The following KCNG2 variants were observed in gnomAD, a reference collection of about 807,000 sequenced individuals.
The protein encoded by KCNG2 is potassium voltage-gated channel modifier subfamily G member 2.
In KCNG2, 7 loss-of-function variants were observed where a neutral mutation model predicts 12.3. The ratio of observed to expected loss-of-function variants is 0.57; its 90% confidence interval spans 0.32 to 1.07. The LOEUF (loss-of-function observed/expected upper bound fraction) is 1.07, where lower values mean the gene tolerates loss of function less well. Ranked by LOEUF, KCNG2 falls within the 50% of genes least tolerant of loss-of-function variation. The pLI is 0.04. For synonymous variants in KCNG2, 414 were observed against 351.4 expected (o/e 1.18, Z -1.99); for missense variants, 703 against 726.0 (o/e 0.97, Z 0.36).
chr18:79,852,231 G>A (rs1245516606), intron 1 of KCNG2, among the ~76,000 whole-genome samples: 4 of 152,200 alleles, frequency 2.6e-5, no homozygotes, highest in Admixed American at 2.0e-4. Flanking sequence ...GGGGAAGCGC[G>A]CTCCCATTTC....
chr18:79,810,577 G>A (rs957798132), intron 1 of KCNG2, among the ~76,000 whole-genome samples: 1 of 152,122 alleles, frequency 6.6e-6, no homozygotes, highest in Non-Finnish European at 1.5e-5. Context: ...AGACCAGCTT[G>A]GGGAACATAG....
chr18:79,860,107 A>G (rs1258586060), intron 2 of KCNG2, among the ~76,000 whole-genome samples: 1 of 152,222 alleles, frequency 6.6e-6, no homozygotes, highest in African/African-American at 2.4e-5. Flanking sequence ...AAGCAAGAAC[A>G]AGGTTGCGGG....
chr18:79,897,869 T>G (rs960219193), intron 3 of KCNG2, among the ~76,000 whole-genome samples: 1 of 151,978 alleles, frequency 6.6e-6, no homozygotes, highest in Non-Finnish European at 1.5e-5. Flanking sequence ...GGGAGCAACC[T>G]CTTCTCTGTC....
chr18:79,882,734 C>T (rs959012671), intron 3 of KCNG2, among the ~76,000 whole-genome samples: 2 of 152,100 alleles, frequency 1.3e-5, no homozygotes, highest in Non-Finnish European at 2.9e-5. Flanking sequence ...GGCGAGGCTG[C>T]CATGGAGTGG....
At chr18:79,838,575 T>C (rs1351387705) in intron 1 of KCNG2, among the ~76,000 whole-genome samples, 2 of 152,140 alleles carry the variant, frequency 1.3e-5, no homozygotes, top group Non-Finnish European at 2.9e-5. Context: ...CATGCCCAGC[T>C]AATTTTTAAA....
chr18:79,895,644 G>C (rs1345331672), intron 3 of KCNG2, among the ~76,000 whole-genome samples: 1 of 151,194 alleles, frequency 6.6e-6, no homozygotes, highest in Non-Finnish European at 1.5e-5. Flanking sequence ...GTCTGCTATT[G>C]ATTGGGTTGT....
rs1162742507 is a variant in KCNG2 at position 79,872,280 on chromosome 18, G to GTTTTTTTTTTTTTTTTTTTTTTTT, written c.624+8012_624+8013insTTTTTTTTTTTTTTTTTTTTTTTT. 2.7e-4 allele frequency among the ~76,000 whole-genome samples: 20 copies of GTTTTTTTTTTTTTTTTTTTTTTTT among 73,412 alleles called. 2 individuals carry two copies. The highest frequency in any genetic ancestry group is 1.0e-3 in the African/African-American group (19 of 19,068). The allele number at this position is 73,412 out of a possible 152,430, so 48.2% of individuals were successfully genotyped here. A position where few individuals can be genotyped will look rare whatever the true frequency, so the allele number is the denominator to read the frequency against. On this transcript the variant is annotated intron_variant, in intron 3 of 3. Coordinates refer to ENST00000316249, the MANE Select transcript of KCNG2 (RefSeq NM_012283.2). ...CTGATATAAAAGCTTCAAAGCTTCA[G>GTTTTTTTTTTTTTTTTTTTTTTTT]TTTTTTTTTTTTTTTTTTTTTTTGA...
chr18:79,830,556 G>A (rs1437467699), intron 1 of KCNG2, among the ~76,000 whole-genome samples: 2 of 152,272 alleles, frequency 1.3e-5, no homozygotes, highest in African/African-American at 4.8e-5. Flanking sequence ...AGCAAAGGAA[G>A]GGCCTTTGGC....
rs149814259 is a variant in KCNG2, at chr18:79,869,521, G to A, written c.624+5230G>A. On this transcript the variant is annotated intron_variant, in intron 3 of 3. Transcript: ENST00000316249. ...ATGTGCTGGGACGGCCCTGGGGACC[G>A]GAAGGTGGACACCTGGACCCGCCCT... 2.7e-3 allele frequency among the ~76,000 whole-genome samples: 407 copies of A among 152,210 alleles called. 2 individuals are homozygous for A. The highest frequency in any genetic ancestry group is 9.2e-3 in the African/African-American group (381 of 41,542).
At chr18:79,889,922 A>G (rs1481608014) in intron 3 of KCNG2, among the ~76,000 whole-genome samples, 3 of 152,214 alleles carry the variant, frequency 2.0e-5, no homozygotes, top group Non-Finnish European at 2.9e-5. Context: ...TGTTTCTGTC[A>G]TGAAAAGATG....
At chr18:79,872,288 T>TTTTTG (rs1555695124) in intron 3 of KCNG2, among the ~76,000 whole-genome samples, 6 of 70,254 alleles carry the variant, frequency 8.5e-5, no homozygotes, top group African/African-American at 2.1e-4. Context: ...CAGTTTTTTT[T>TTTTTG]TTTTTTTTTT....
intron 1 of KCNG2, among the ~76,000 whole-genome samples, chr18:79,841,095 C>T (rs1420587749): frequency 6.6e-6 from 1 of 152,022 alleles, no homozygotes; most frequent in Non-Finnish European, 1.5e-5. Context: ...CATAGTGAGG[C>T]CTTGTCTCTA....
intron 3 of KCNG2, among the ~76,000 whole-genome samples, chr18:79,880,380 A>G (rs892078138): frequency 6.6e-6 from 1 of 152,112 alleles, no homozygotes; most frequent in Non-Finnish European, 1.5e-5. Flanking sequence ...TAACTTAAAA[A>G]CATGCTCAGT....
chr18:79,863,790 G>T lies in KCNG2; in HGVS notation c.123G>T (p.Ala41=), dbSNP rs780142518. ...AWAALARCPL[A]RLERLRACRG... is the part of the protein sequence containing the mutation. ...CCGCGCTGGCGCGATGCCCCCTCGCGCGCCTGGAGCGCCTGCGCGCCTGCC... is the reference window on the plus strand; with the variant it reads ...CCGCGCTGGCGCGATGCCCCCTCGCTCGCCTGGAGCGCCTGCGCGCCTGCC... Residue 41 remains alanine (A), a synonymous_variant, in exon 3 of 4, where the codon GCG becomes GCT. Coordinates refer to ENST00000316249, the MANE Select transcript of KCNG2 (RefSeq NM_012283.2). 2 of 1,291,342 alleles carry T rather than the reference G, an allele frequency of 1.5e-6. No individual in the cohort carries two copies. Among genetic ancestry groups the T allele is most frequent in the Non-Finnish European group, 2.0e-6 (2 of 1,014,256 alleles). 80.0% of individuals were successfully genotyped at this position (1,291,342 alleles called of 1,614,324 possible). A position where few individuals can be genotyped will look rare whatever the true frequency, so the allele number is the denominator to read the frequency against.
At chr18:79,835,912 T>C (rs1245082245) in intron 1 of KCNG2, among the ~76,000 whole-genome samples, 1 of 152,070 alleles carries the variant, frequency 6.6e-6, no homozygotes, top group Non-Finnish European at 1.5e-5. Context: ...TAAATCAAAA[T>C]AGAATTGTCA....
intron 1 of KCNG2, among the ~76,000 whole-genome samples, chr18:79,812,010 C>A (rs1256803411): frequency 6.6e-6 from 1 of 151,956 alleles, no homozygotes; most frequent in Non-Finnish European, 1.5e-5. Flanking sequence ...TATCATCAGG[C>A]CCCAGAAAGA....
At chr18:79,825,763 C>T (rs1290394704) in intron 1 of KCNG2, among the ~76,000 whole-genome samples, 1 of 151,810 alleles carries the variant, frequency 6.6e-6, no homozygotes, top group Non-Finnish European at 1.5e-5. Flanking sequence ...CGTTTTTATT[C>T]CTTTTTCCAG....
Position 79,800,915 on chromosome 18 carries a change from T to C in KCNG2, c.-115+2901T>C, listed in dbSNP as rs1053481988. ...CATGGAATTGCTAACAGAAATCTTA[T>C]CAACAGCAGGTTCAGCCTTTTCACG... On this transcript the variant is annotated intron_variant, in intron 1 of 3. Transcript: ENST00000316249. This position sits in a 1 kb window ranked among gnomAD's most constrained non-coding sequence, Gnocchi z 4.0. Among the ~76,000 whole-genome samples the C allele has an allele frequency of 1.3e-5, 2 of 152,240 alleles. No individual in the cohort carries two copies. Among genetic ancestry groups the C allele is most frequent in the Admixed American group, 6.5e-5 (1 of 15,292 alleles).
Position 79,821,373 on chromosome 18 carries a change from T to G in KCNG2, c.-115+23359T>G, listed in dbSNP as rs141114913. On this transcript the variant is annotated intron_variant, in intron 1 of 3. Coordinates refer to ENST00000316249, the MANE Select transcript of KCNG2 (RefSeq NM_012283.2). ...GGCGCAATCTTGGCTCACGGCAACA[T>G]CTGCCTCCCAGGTTCAAATGATTCT... Among the ~76,000 whole-genome samples, 548 of 148,674 alleles carry G rather than the reference T, an allele frequency of 3.7e-3. 4 individuals are homozygous for G. The highest frequency in any genetic ancestry group is 0.013 in the African/African-American group (520 of 40,320).
Sources: allele counts gnomAD v4.1 joint callset (sites outside exome capture counted in the v4.1 genomes callset), GRCh38; gene constraint gnomAD v4.1.1; non-coding constraint Gnocchi (gnomAD v3.1); transcripts MANE v1.5; gene names NCBI Gene and HGNC (gene_info 2026-07-23, HGNC 2026-07-21).